Variants in NYAP2 observed in about 807,000 individuals in gnomAD.
NYAP2 encodes the protein neuronal tyrosine-phosphorylated phosphoinositide-3-kinase adaptor 2.
NYAP2 carries 23 observed loss-of-function variants against 50.4 expected under a neutral mutation model. That is an observed-to-expected ratio of 0.46 (90% CI 0.33 to 0.65). The LOEUF (loss-of-function observed/expected upper bound fraction) is 0.65. Among genes scored for constraint, NYAP2 ranks in the 30% least tolerant of loss-of-function variants. The pLI is 0.02. For synonymous variants in NYAP2, 394 were observed against 365.2 expected, an observed-to-expected ratio of 1.08 and a Z score of -0.90; for missense variants, 885 against 861.0, an observed-to-expected ratio of 1.03 and a Z score of -0.35.
intron 4 of NYAP2, among the ~76,000 whole-genome samples, chr2:225,538,773 TTTTC>T (rs1404914385): frequency 2.1e-5 from 2 of 95,804 alleles, no homozygotes; most frequent in African/African-American, 9.0e-5. Flanking sequence ...TTTTCTTTTC[TTTTC>T]TTTTCTTTCT....
At chr2:225,527,032 T>TGCAA (rs1691164195) in intron 4 of NYAP2, among the ~76,000 whole-genome samples, 1 of 152,174 alleles carries the variant, frequency 6.6e-6, no homozygotes, top group South Asian at 2.1e-4. Context: ...TGAAACAGTT[T>TGCAA]GCAAGTCAAG....
At chr2:225,690,351 T>A in the NYAP2 span, among the ~76,000 whole-genome samples, 3 of 151,962 alleles carry the variant, frequency 2.0e-5, no homozygotes, top group Non-Finnish European at 2.9e-5. Context: ...CTGAATATGC[T>A]GACAAGTGCA....
At chr2:225,663,543 A>G in the NYAP2 span, among the ~76,000 whole-genome samples, 1 of 151,388 alleles carries the variant, frequency 6.6e-6, no homozygotes. Context: ...CACACCCACC[A>G]CAGTTCTTTC....
intron 4 of NYAP2, among the ~76,000 whole-genome samples, chr2:225,573,838 T>C (rs1354709684): frequency 2.0e-5 from 3 of 152,138 alleles, no homozygotes; most frequent in Non-Finnish European, 4.4e-5. Context: ...TCCTCTTACA[T>C]CTAAGACTTA....
At chr2:225,664,489 A>G in the NYAP2 span, among the ~76,000 whole-genome samples, 1 of 152,194 alleles carries the variant, frequency 6.6e-6, no homozygotes, top group African/African-American at 2.4e-5. Flanking sequence ...GTGGCTCTGC[A>G]CACAGTCATC....
At chr2:225,480,174 T>A (rs766545337) in intron 3 of NYAP2, among the ~76,000 whole-genome samples, 1 of 152,182 alleles carries the variant, frequency 6.6e-6, no homozygotes, top group Non-Finnish European at 1.5e-5. Flanking sequence ...GTATTTCATG[T>A]TAAGACTAAA....
At chr2:225,593,443 C>T (rs1692545019) in intron 5 of NYAP2, among the ~76,000 whole-genome samples, 1 of 152,156 alleles carries the variant, frequency 6.6e-6, no homozygotes, top group South Asian at 2.1e-4. Context: ...TGATGTTGTT[C>T]TCCCTTGCTG....
At position 225,428,276 on chromosome 2, in the gene NYAP2, G is replaced by C. The variant is rs374613399; in HGVS notation, c.221+19175G>C. Among the ~76,000 whole-genome samples the C allele has an allele frequency of 7.2e-5, 11 of 152,244 alleles. 1 individual carries two copies. The highest frequency in any genetic ancestry group is 2.6e-4 in the African/African-American group (11 of 41,522). ...CCCTTTCTTCCCTGCTGGCCTTTGA[G>C]TTCTTTTTCAATATAGGAATCCAGG... is the stretch of plus-strand genomic sequence containing the variant. On this transcript the variant is annotated intron_variant, in intron 3 of 6. Transcript: ENST00000636099.
At chr2:225,545,315 A>G (rs1691554521) in intron 4 of NYAP2, among the ~76,000 whole-genome samples, 1 of 151,508 alleles carries the variant, frequency 6.6e-6, no homozygotes, top group African/African-American at 2.4e-5. Context: ...AAGGCCAATC[A>G]CTCTTAGATT....
intron 5 of NYAP2, among the ~76,000 whole-genome samples, chr2:225,607,734 G>T (rs1238510126): frequency 6.6e-6 from 1 of 152,006 alleles, no homozygotes; most frequent in Non-Finnish European, 1.5e-5. Context: ...AATTTAGAGG[G>T]AATAAAATGA....
At position 225,472,853 on chromosome 2, in the gene NYAP2, C is replaced by T. The variant is rs542465412; in HGVS notation, c.222-40518C>T. Reference sequence around the variant, plus strand: ...CTTTAAGTTCTAGGGTACATGTGCACAACGTGCAGGTTTGTTACATATGTA... The same window carrying T: ...CTTTAAGTTCTAGGGTACATGTGCATAACGTGCAGGTTTGTTACATATGTA... On this transcript the variant is annotated intron_variant, in intron 3 of 6. Transcript: ENST00000636099. Among the ~76,000 whole-genome samples the T allele has an allele frequency of 4.1e-4, 62 of 152,036 alleles. 1 individual carries two copies. The highest frequency in any genetic ancestry group is 1.4e-3 in the African/African-American group (60 of 41,464).
At position 225,547,052 on chromosome 2, in the gene NYAP2, G is replaced by A. The variant is rs1342600700; in HGVS notation, c.523+33380G>A. ...GCCCTATCCTATTGTGGCTAAGCGG[G>A]TGTCCACAAAGCTAGAAAAAAGTCC... On this transcript the variant is annotated intron_variant, in intron 4 of 6. Coordinates refer to ENST00000636099, the Ensembl canonical transcript of NYAP2. Among the ~76,000 whole-genome samples the A allele has an allele frequency of 3.9e-5, 6 of 152,184 alleles. No homozygotes were observed. The East Asian group carries it at 9.7e-4, about 25-fold the overall frequency.
At position 225,436,739 on chromosome 2, in the gene NYAP2, C is replaced by CAAAAA. The variant is rs755609110; in HGVS notation, c.221+27654_221+27658dup. Among the ~76,000 whole-genome samples the CAAAAA allele has an allele frequency of 2.6e-3, 287 of 109,384 alleles. 3 individuals carry two copies. Among genetic ancestry groups the CAAAAA allele is most frequent in the African/African-American group, 8.2e-3 (271 of 32,980 alleles). 71.8% of individuals were successfully genotyped at this position (109,384 alleles called of 152,430 possible). A position where few individuals can be genotyped will look rare whatever the true frequency, so the allele number is the denominator to read the frequency against. On this transcript the variant is annotated intron_variant, in intron 3 of 6. Transcript: ENST00000636099. ...CTCTGATAGTTTTCTTCTGTATAGT[C>CAAAAA]AAAAAAAAAAAAAAAAAAAAGAGAG...
In NYAP2 at chr2:225,403,455, G is replaced by A. The variant is rs143417907; in HGVS notation, c.-18+2412G>A. Reference sequence around the variant, plus strand: ...GGTCACAATTAGCATTATAATAATCGCACAAAATAAACTATCTTATTATAG... The same window carrying A: ...GGTCACAATTAGCATTATAATAATCACACAAAATAAACTATCTTATTATAG... On this transcript the variant is annotated intron_variant, in intron 2 of 6. Coordinates refer to ENST00000636099, the Ensembl canonical transcript of NYAP2. Among the ~76,000 whole-genome samples, 272 of 151,892 alleles carry A rather than the reference G, an allele frequency of 1.8e-3. 1 individual carries two copies. Among genetic ancestry groups the A allele is most frequent in the Non-Finnish European group, 3.1e-3 (207 of 67,868 alleles).
chr2:225,613,086 G>A (rs1425290267), intron 5 of NYAP2, among the ~76,000 whole-genome samples: 4 of 152,164 alleles, frequency 2.6e-5, no homozygotes, highest in Non-Finnish European at 5.9e-5. Context: ...ATTACGAGGC[G>A]AAGTCTCACG....
intron 4 of NYAP2, among the ~76,000 whole-genome samples, chr2:225,552,621 A>C (rs10181887): frequency 1.4e-4 from 22 of 152,306 alleles, no homozygotes; most frequent in Admixed American, 4.6e-4. Flanking sequence ...GACCCTGACC[A>C]GAACTGACCA....
At chr2:225,623,363 A>G (rs912823087) in intron 5 of NYAP2, among the ~76,000 whole-genome samples, 5 of 152,214 alleles carry the variant, frequency 3.3e-5, no homozygotes, top group African/African-American at 1.2e-4. Context: ...TCATAAAAGT[A>G]TATTATTGTA....
chr2:225,400,653 C>A (rs1694844888), exon 2 of NYAP2: 1 of 152,122 alleles, frequency 6.6e-6, no homozygotes, highest in South Asian at 2.1e-4. Context: ...CATTCAATTT[C>A]TTCCCTGCTG....
chr2:225,700,476 C>T, the NYAP2 span: 3 of 151,646 alleles, frequency 2.0e-5, no homozygotes, highest in Non-Finnish European at 4.4e-5. Flanking sequence ...AAATAAAACC[C>T]GCCAGCATGT....
Sources: gnomAD v4.1 joint callset for allele counts (sites outside exome capture counted in the v4.1 genomes callset) on GRCh38, gnomAD v4.1.1 for gene constraint, MANE v1.5 for transcripts, NCBI Gene and HGNC (gene_info 2026-07-23, HGNC 2026-07-21) for gene names.